SCUBE1: variants seen among roughly 807,000 people sequenced by gnomAD.
The protein encoded by SCUBE1 is signal peptide, CUB and EGF-like domain-containing protein 1.
Under a neutral mutation model 124.4 loss-of-function variants are expected in SCUBE1, and 59 were observed. The observed-to-expected ratio is 0.47, with a 90% confidence interval of 0.38 to 0.59. The LOEUF (loss-of-function observed/expected upper bound fraction) is 0.59. SCUBE1 is among the 20% of genes least tolerant of loss of function. The pLI, the probability that SCUBE1 is intolerant of heterozygous loss-of-function variation, is 0.00. For synonymous variants in SCUBE1, 545 were observed against 550.9 expected, an observed-to-expected ratio of 0.99 and a Z score of 0.15; for missense variants, 1,150 against 1,371.2, an observed-to-expected ratio of 0.84 and a Z score of 2.55.
intron 1 of SCUBE1, among the ~76,000 whole-genome samples, 156 bp downstream of exon 1, chr22:43,343,018 C>T (rs1927380541): frequency 6.6e-6 from 1 of 151,154 alleles, no homozygotes; most frequent in Non-Finnish European, 1.5e-5. Context: ...GAGGGGGCGC[C>T]CCGGGCCGGC....
intron 4 of SCUBE1, among the ~76,000 whole-genome samples, chr22:43,271,865 C>T (rs2146722574): frequency 6.6e-6 from 1 of 152,284 alleles, no homozygotes; most frequent in South Asian, 2.1e-4. Flanking sequence ...GCAAACATTC[C>T]TAATTGAACA....
rs933863914 is a variant in SCUBE1 at position 43,280,328 on chromosome 22, C to T, written c.484+10718G>A. On this transcript the variant is annotated intron_variant, in intron 4 of 21. Coordinates refer to ENST00000360835, the MANE Select transcript of SCUBE1 (RefSeq NM_173050.5). ...AACAGGCCTCGCTGAAGTGTAAACC[C>T]GGGGCAGACAGAGGGCTCTGCCGAG... Among the ~76,000 whole-genome samples the T allele has an allele frequency of 1.3e-4, 20 of 151,976 alleles. No homozygotes were observed. In the South Asian group the frequency reaches 2.3e-3, roughly 17 times the overall value.
At chr22:43,261,395 T>C (rs1227777801) in intron 5 of SCUBE1, among the ~76,000 whole-genome samples, 2 of 152,194 alleles carry the variant, frequency 1.3e-5, no homozygotes, top group African/African-American at 4.8e-5. Context: ...GGTCCGCCTC[T>C]TGGACCATAC....
At chr22:43,215,782 T>C (rs970788440) in intron 15 of SCUBE1, among the ~76,000 whole-genome samples, 14 of 152,128 alleles carry the variant, frequency 9.2e-5, no homozygotes, top group Non-Finnish European at 1.8e-4. Context: ...GAGGGTGACA[T>C]GTCTTTCTGG....
intron 6 of SCUBE1, among the ~76,000 whole-genome samples, chr22:43,245,272 A>G (rs1004200179): frequency 5.9e-5 from 9 of 152,288 alleles, no homozygotes; most frequent in African/African-American, 2.2e-4. Flanking sequence ...GGTGTGGTGG[A>G]GGGAACTTGA....
chr22:43,341,906 G>T (rs1927329147), intron 1 of SCUBE1, among the ~76,000 whole-genome samples: 1 of 152,000 alleles, frequency 6.6e-6, no homozygotes, highest in African/African-American at 2.4e-5. Flanking sequence ...GGTGGGGATA[G>T]GCACGCCCAG....
At chr22:43,275,736 G>A (rs1302914410) in intron 4 of SCUBE1, among the ~76,000 whole-genome samples, 1 of 152,254 alleles carries the variant, frequency 6.6e-6, no homozygotes, top group Non-Finnish European at 1.5e-5. Flanking sequence ...ACATACCGAG[G>A]TTGTAATCAG....
At chr22:43,206,556 A>G (rs889824200) in intron 21 of SCUBE1, among the ~76,000 whole-genome samples, 1 of 151,980 alleles carries the variant, frequency 6.6e-6, no homozygotes, top group Non-Finnish European at 1.5e-5. Flanking sequence ...GGGGCTGCAA[A>G]GGGTGTGCCC....
intron 6 of SCUBE1, among the ~76,000 whole-genome samples, chr22:43,256,710 C>G (rs1486647553): frequency 1.3e-5 from 2 of 152,336 alleles, no homozygotes; most frequent in South Asian, 2.1e-4. Context: ...GTTTGCACTG[C>G]CCCCGGGCCA....
chr22:43,277,762 G>A (rs1315434977), intron 4 of SCUBE1, among the ~76,000 whole-genome samples: 2 of 152,226 alleles, frequency 1.3e-5, no homozygotes, highest in African/African-American at 2.4e-5. Flanking sequence ...CACAGTTCTA[G>A]TGATCTGGAC....
Position 43,201,442 on chromosome 22 carries a change from G to C in SCUBE1, c.*2555C>G, listed in dbSNP as rs1378828891. 1 of 152,138 alleles carries C rather than the reference G, an allele frequency of 6.6e-6. No individual in the cohort carries two copies. The highest frequency in any genetic ancestry group is 1.9e-4 in the East Asian group (1 of 5,200). 9.4% of individuals were successfully genotyped at this position (152,138 alleles called of 1,614,324 possible). A position where few individuals can be genotyped will look rare whatever the true frequency, so the allele number is the denominator to read the frequency against. Reference sequence around the variant, plus strand: ...GGGTGAACGGATACCCAGCTAGCTGGGAAAACATGCTAGGGTGTTTCCAGA... The same window carrying C: ...GGGTGAACGGATACCCAGCTAGCTGCGAAAACATGCTAGGGTGTTTCCAGA... On this transcript the variant is annotated 3_prime_UTR_variant, in exon 22 of 22. Coordinates refer to ENST00000360835, the MANE Select transcript of SCUBE1 (RefSeq NM_173050.5).
chr22:43,339,597 CTACTCTCCTCACTCTAT>C (rs1927202522), intron 1 of SCUBE1, among the ~76,000 whole-genome samples: 3 of 149,544 alleles, frequency 2.0e-5, no homozygotes, highest in African/African-American at 7.6e-5. Flanking sequence ...CAGCCCTCCC[CTACTCTCCTCACTCTAT>C]CCCCTACTCT....
In SCUBE1 at chr22:43,200,287, G is replaced by A. The variant is rs1365960494; in HGVS notation, c.*3710C>T. The A allele has an allele frequency of 6.6e-6, 1 of 152,304 alleles. No homozygotes were observed. The highest frequency in any genetic ancestry group is 1.9e-4 in the East Asian group (1 of 5,198). 9.4% of individuals were successfully genotyped at this position (152,304 alleles called of 1,614,324 possible). On this transcript the variant is annotated 3_prime_UTR_variant, in exon 22 of 22. Coordinates refer to ENST00000360835, the MANE Select transcript of SCUBE1 (RefSeq NM_173050.5). The stretch of plus-strand genomic sequence containing the variant: ...CTGGAGCACAGCGTGCGGCGCTGGG[G>A]ACCTCATCAGCTGCTCAGGCGACAG...
chr22:43,298,836 A>G (rs1247830522), intron 3 of SCUBE1, among the ~76,000 whole-genome samples: 1 of 152,098 alleles, frequency 6.6e-6, no homozygotes, highest in East Asian at 1.9e-4. Flanking sequence ...GCGGATCACA[A>G]GGTCAGGAGA....
chr22:43,222,906 C>G (rs1179306170), intron 11 of SCUBE1, among the ~76,000 whole-genome samples, 164 bp from the exon 12 acceptor site: 1 of 152,182 alleles, frequency 6.6e-6, no homozygotes, highest in Non-Finnish European at 1.5e-5. Flanking sequence ...AGGAAGGAGC[C>G]CACTGGGTTT....
In SCUBE1 at chr22:43,238,917, T is replaced by G; in HGVS notation, c.765A>C (p.Thr255=). ...CAVNNGGCDR[T]CKDTATGVRC... is the part of the protein sequence containing the mutation. ...GCACGCCAGTGGCTGTGTCCTTGCA[T>G]GTCCGGTCGCAGCCTCCGTTATTGA... Residue 255 remains threonine, a synonymous_variant, in exon 7 of 22, where the codon ACA becomes ACC. Coordinates refer to ENST00000360835, the MANE Select transcript of SCUBE1 (RefSeq NM_173050.5). 6.2e-7 allele frequency: 1 copy of G among 1,613,066 alleles called. No individual in the cohort carries two copies. The highest frequency in any genetic ancestry group is 1.1e-5 in the South Asian group (1 of 91,082).
chr22:43,302,978 C>T (rs1459572622), intron 3 of SCUBE1, among the ~76,000 whole-genome samples: 2 of 152,234 alleles, frequency 1.3e-5, no homozygotes, highest in African/African-American at 2.4e-5. Context: ...CAAAACCAAA[C>T]TTCCCCGAAC....
chr22:43,307,486 G>A (rs923136871), intron 3 of SCUBE1, among the ~76,000 whole-genome samples: 1 of 152,192 alleles, frequency 6.6e-6, no homozygotes, highest in Non-Finnish European at 1.5e-5. Context: ...CATCCTGCTG[G>A]GACAAGGAGG....
rs1424754261 is a variant in SCUBE1, at chr22:43,221,293, G to T, written c.1433-4C>A. 1.9e-6 allele frequency: 3 copies of T among 1,605,506 alleles called. No individual in the cohort carries two copies. Among genetic ancestry groups the T allele is most frequent in the South Asian group, 2.2e-5 (2 of 91,022 alleles). ...TTGATGGGGGTGGTGGGGGCATCTG[G>T]GGAAAGCCAAAATTCCCCCAGGTGG... On this transcript the variant is annotated splice_polypyrimidine_tract_variant and splice_region_variant and intron_variant, in intron 12 of 21. Coordinates refer to ENST00000360835, the MANE Select transcript of SCUBE1 (RefSeq NM_173050.5).
Sources: allele counts gnomAD v4.1 joint callset (sites outside exome capture counted in the v4.1 genomes callset), GRCh38; gene constraint gnomAD v4.1.1; transcripts MANE v1.5; gene names NCBI Gene and HGNC (gene_info 2026-07-23, HGNC 2026-07-21).